ACAD11: variants seen among roughly 807,000 people sequenced by gnomAD.
ACAD11 encodes the protein acyl-Coenzyme A dehydrogenase family, member 11.
A neutral mutation model predicts 102.2 loss-of-function variants in ACAD11; 83 were observed. The ratio of observed to expected loss-of-function variants is 0.81; its 90% confidence interval spans 0.68 to 0.97. ACAD11 has a LOEUF of 0.97. Ranked by LOEUF, ACAD11 falls within the 50% of genes least tolerant of loss-of-function variation. ACAD11 has a pLI of 0.00. For missense variants in ACAD11, 901 were observed against 951.7 expected (o/e 0.95, Z 0.70); for synonymous variants, 324 against 319.8 (o/e 1.01, Z -0.14).
At chr3:132,631,049 T>G (rs374337019) in intron 6 of ACAD11, among the ~76,000 whole-genome samples, 1 of 152,024 alleles carries the variant, frequency 6.6e-6, no homozygotes, top group Non-Finnish European at 1.5e-5. Flanking sequence ...CCAGCCCGGG[T>G]GACAGAGCAA....
At chr3:132,644,950 T>C in intron 1 of ACAD11, 54 bp from the exon 2 acceptor site, 1 of 1,052,160 alleles carries the variant, frequency 9.5e-7, no homozygotes, top group Middle Eastern at 2.1e-4. Flanking sequence ...TTTTCCGTCA[T>C]CCCCAAATCC....
At chr3:132,649,005 A>G (rs1284971203) in intron 1 of ACAD11, among the ~76,000 whole-genome samples, 1 of 152,258 alleles carries the variant, frequency 6.6e-6, no homozygotes, top group Non-Finnish European at 1.5e-5. Context: ...TGCCTTGTTA[A>G]CAAAATGTTT....
intron 8 of ACAD11, among the ~76,000 whole-genome samples, chr3:132,627,252 C>T (rs1353743397): frequency 6.6e-6 from 1 of 152,068 alleles, no homozygotes; most frequent in African/African-American, 2.4e-5. Context: ...GTGAGGTGGG[C>T]GCCTGTTGGC....
chr3:132,602,894 C>G (rs1267143847), intron 13 of ACAD11, among the ~76,000 whole-genome samples: 1 of 152,106 alleles, frequency 6.6e-6, no homozygotes, highest in Non-Finnish European at 1.5e-5. Context: ...CTTCCGCCAC[C>G]CGGGGTCAAG....
chr3:132,605,315 T>C (rs1169097415), intron 11 of ACAD11, 110 bp from the exon 12 acceptor site: 2 of 592,224 alleles, frequency 3.4e-6, no homozygotes, highest in Non-Finnish European at 5.8e-6. Context: ...AAATGTTTGC[T>C]AACAAAAATA....
At chr3:132,591,635 A>G (rs1029513067) in intron 13 of ACAD11, among the ~76,000 whole-genome samples, 2 of 152,174 alleles carry the variant, frequency 1.3e-5, no homozygotes, top group Non-Finnish European at 2.9e-5. Context: ...CATATCTGTA[A>G]TCCCAGAATT....
intron 1 of ACAD11, among the ~76,000 whole-genome samples, chr3:132,656,406 T>C (rs1019887702): frequency 2.0e-5 from 3 of 152,142 alleles, no homozygotes; most frequent in Admixed American, 2.0e-4. Context: ...TACAAGATCA[T>C]GTTGAGTTAT....
chr3:132,571,491 G>T (rs1408584711), intron 17 of ACAD11, among the ~76,000 whole-genome samples: 1 of 152,010 alleles, frequency 6.6e-6, no homozygotes, highest in African/African-American at 2.4e-5. Flanking sequence ...CCGTGCAGAA[G>T]CTCGTTAGTT....
At chr3:132,572,752 G>GATCATTGACAA (rs1303860936) in intron 17 of ACAD11, among the ~76,000 whole-genome samples, 2 of 152,164 alleles carry the variant, frequency 1.3e-5, no homozygotes, top group Non-Finnish European at 1.5e-5. Flanking sequence ...ACAACCATCT[G>GATCATTGACAA]ATCATTGACA....
At chr3:132,618,860 A>T (rs1271676893) in intron 10 of ACAD11, 88 bp from the exon 11 acceptor site, 5 of 1,281,424 alleles carry the variant, frequency 3.9e-6, no homozygotes, top group Non-Finnish European at 4.1e-6. Flanking sequence ...GGTATTTATG[A>T]TCTTTGAAAT....
At chr3:132,590,170 G>A (rs1938018023) in intron 13 of ACAD11, among the ~76,000 whole-genome samples, 1 of 152,216 alleles carries the variant, frequency 6.6e-6, no homozygotes, top group African/African-American at 2.4e-5. Flanking sequence ...ACATGCATAT[G>A]TCTTTATGGT....
intron 11 of ACAD11, among the ~76,000 whole-genome samples, chr3:132,616,676 G>A (rs915995752): frequency 4.6e-5 from 7 of 152,026 alleles, no homozygotes; most frequent in African/African-American, 7.2e-5. Flanking sequence ...ACTATGAGTA[G>A]CAATCAAAAA....
At chr3:132,657,242 C>T (rs1937857369) in intron 1 of ACAD11, among the ~76,000 whole-genome samples, 1 of 152,090 alleles carries the variant, frequency 6.6e-6, no homozygotes, top group African/African-American at 2.4e-5. Context: ...CTTCTTTTCC[C>T]CCCACTGACT....
intron 4 of ACAD11, among the ~76,000 whole-genome samples, chr3:132,641,684 GAGGAAGAGGA>G (rs1940522959): frequency 1.6e-5 from 2 of 126,374 alleles, no homozygotes; most frequent in Admixed American, 7.9e-5. Context: ...GGAAGAGGAA[GAGGAAGAGGA>G]AGAGGAAGAA....
At chr3:132,616,280 T>C (rs147132592) in intron 11 of ACAD11, among the ~76,000 whole-genome samples, 58 of 152,310 alleles carry the variant, frequency 3.8e-4, no homozygotes, top group Middle Eastern at 3.4e-3. Context: ...GATGGACTCA[T>C]GAAATTTTAA....
At position 132,642,129 on chromosome 3, in the gene ACAD11, C is replaced by G. The variant is rs144771431; in HGVS notation, c.380G>C (p.Arg127Pro). The change falls in exon 4 of 20, where the codon CGA (arginine) becomes CCA (proline). Residue 127 changes from arginine to proline, a missense_variant. Physicochemically the swap from Arg to Pro is moderately radical, Grantham distance 103 (BLOSUM62 -2). Coordinates refer to ENST00000264990, the MANE Select transcript of ACAD11 (RefSeq NM_032169.5). ...AGGAATTGTTAAATCACGGAAGATT[C>G]GACCCTATGGAAGTGATTACAACAG... ...EFYVMEHVQG[R>P]IFRDLTIPGL... The G allele has an allele frequency of 1.6e-5, 26 of 1,612,972 alleles. No homozygotes were observed. The South Asian group carries it at 2.2e-4, about 14-fold the overall frequency.
chr3:132,649,141 C>G (rs947417179), intron 1 of ACAD11, among the ~76,000 whole-genome samples: 44 of 152,342 alleles, frequency 2.9e-4, no homozygotes, highest in Admixed American at 2.5e-3. Context: ...TCCAAGGTTT[C>G]TCCCCATGTG....
chr3:132,651,986 G>A (rs904114855), intron 1 of ACAD11, among the ~76,000 whole-genome samples: 2 of 152,108 alleles, frequency 1.3e-5, no homozygotes, highest in Non-Finnish European at 2.9e-5. Flanking sequence ...AAGACTTTGG[G>A]GGACTGTCAG....
intron 11 of ACAD11, among the ~76,000 whole-genome samples, chr3:132,615,034 C>T (rs552721324): frequency 8.5e-5 from 13 of 152,264 alleles, no homozygotes; most frequent in Middle Eastern, 3.4e-3. Flanking sequence ...AGACACTTCT[C>T]GAAAGAAGAC....
Sources: gnomAD v4.1 joint callset for allele counts (sites outside exome capture counted in the v4.1 genomes callset) on GRCh38, gnomAD v4.1.1 for gene constraint, MANE v1.5 for transcripts, NCBI Gene and HGNC (gene_info 2026-07-23, HGNC 2026-07-21) for gene names.